POPDC1: variants seen among roughly 807,000 people sequenced by gnomAD.
POPDC1 encodes popeye domain-containing protein 1.
chr6:105,101,412 A>C, the POPDC1 span, among the ~76,000 whole-genome samples: 1 of 152,224 alleles, frequency 6.6e-6, no homozygotes, highest in African/African-American at 2.4e-5. Context: ...AGAGACTCTC[A>C]GTCAGGAGCA....
At chr6:105,127,291 A>G in the POPDC1 span, among the ~76,000 whole-genome samples, 1 of 152,230 alleles carries the variant, frequency 6.6e-6, no homozygotes, top group East Asian at 1.9e-4. Context: ...TGCTATGATC[A>G]TATCAGCAAC....
the POPDC1 span, among the ~76,000 whole-genome samples, chr6:105,119,184 CAAAAAA>C: frequency 9.0e-6 from 1 of 111,302 alleles, no homozygotes; most frequent in African/African-American, 3.7e-5. Flanking sequence ...GACTCCCTCT[CAAAAAA>C]AAAAAAAAAA....
At chr6:105,103,421 G>A in the POPDC1 span, among the ~76,000 whole-genome samples, 1 of 151,712 alleles carries the variant, frequency 6.6e-6, no homozygotes. Context: ...TCAAATGTGG[G>A]TTTGTGTTTC....
the POPDC1 span, chr6:105,099,792 C>G: frequency 6.6e-6 from 1 of 152,242 alleles, no homozygotes; most frequent in Non-Finnish European, 1.5e-5. Flanking sequence ...ATGTCTCTGC[C>G]TCTAGATGAA....
chr6:105,107,394 G>A, the POPDC1 span, among the ~76,000 whole-genome samples: 4 of 152,140 alleles, frequency 2.6e-5, no homozygotes, highest in South Asian at 8.3e-4. Flanking sequence ...AATTACAGGA[G>A]AGCCTGAAGG....
the POPDC1 span, among the ~76,000 whole-genome samples, chr6:105,128,318 A>G: frequency 6.6e-6 from 1 of 152,180 alleles, no homozygotes; most frequent in African/African-American, 2.4e-5. Context: ...GTCCCTTTTG[A>G]GCAAAAGTTT....
chr6:105,116,613 A>G, the POPDC1 span: 1 of 1,070,120 alleles, frequency 9.3e-7, no homozygotes, highest in Non-Finnish European at 1.3e-6. Context: ...ATGGCTAGTT[A>G]CTAAAAATTC....
chr6:105,134,100 A>T, the POPDC1 span, among the ~76,000 whole-genome samples: 38 of 152,130 alleles, frequency 2.5e-4, no homozygotes, highest in Non-Finnish European at 4.1e-4. Flanking sequence ...GGATATTTAG[A>T]AGGCTCTATT....
At chr6:105,107,807 CT>C in the POPDC1 span, among the ~76,000 whole-genome samples, 7 of 151,062 alleles carry the variant, frequency 4.6e-5, no homozygotes, top group Middle Eastern at 3.4e-3. Context: ...GATTTAATGG[CT>C]TTTTTTTTCC....
chr6:105,118,459 C>A, the POPDC1 span, among the ~76,000 whole-genome samples: 1 of 152,182 alleles, frequency 6.6e-6, no homozygotes, highest in African/African-American at 2.4e-5. Context: ...TGATGAAACA[C>A]TAAATTTCAT....
At chr6:105,101,911 A>C in the POPDC1 span, among the ~76,000 whole-genome samples, 2 of 152,254 alleles carry the variant, frequency 1.3e-5, no homozygotes, top group Non-Finnish European at 2.9e-5. Context: ...AATGGTTATC[A>C]AGCATCTACC....
chr6:105,133,605 A>T, the POPDC1 span: 3 of 1,533,874 alleles, frequency 2.0e-6, no homozygotes, highest in Non-Finnish European at 2.7e-6. Context: ...AAACAAGTAA[A>T]CAAAAGTAAA....
At chr6:105,126,588 T>C in the POPDC1 span, among the ~76,000 whole-genome samples, 1 of 152,204 alleles carries the variant, frequency 6.6e-6, no homozygotes. Flanking sequence ...CTTAGCACCT[T>C]CTATAAATAA....
chr6:105,131,249 T>C, the POPDC1 span, among the ~76,000 whole-genome samples: 1 of 152,164 alleles, frequency 6.6e-6, no homozygotes, highest in Admixed American at 6.5e-5. Context: ...AAAATTTAAA[T>C]ATTCTTTAAG....
chr6:105,112,247 C>T, the POPDC1 span, among the ~76,000 whole-genome samples: 2 of 152,146 alleles, frequency 1.3e-5, no homozygotes, highest in Admixed American at 1.3e-4. Context: ...GAAACACACA[C>T]ACAGAGACAG....
At chr6:105,107,075 C>CTTTA in the POPDC1 span, among the ~76,000 whole-genome samples, 2 of 152,062 alleles carry the variant, frequency 1.3e-5, no homozygotes, top group African/African-American at 4.8e-5. Context: ...TATCCATTAA[C>CTTTA]CATCTCCACT....
At chr6:105,125,340 A>G in the POPDC1 span, 2 of 1,585,034 alleles carry the variant, frequency 1.3e-6, no homozygotes, top group East Asian at 2.2e-5. Flanking sequence ...CCCAGAGGCC[A>G]TGAAAAGATT....
chr6:105,102,420 C>T, the POPDC1 span, among the ~76,000 whole-genome samples: 99 of 152,292 alleles, frequency 6.5e-4, no homozygotes, highest in African/African-American at 2.1e-3. Context: ...GCATGTCACA[C>T]GGCTGCTCCT....
chr6:105,118,226 G>A, the POPDC1 span, among the ~76,000 whole-genome samples: 15 of 152,268 alleles, frequency 9.9e-5, no homozygotes, highest in African/African-American at 3.6e-4. Flanking sequence ...AGAGGACAAG[G>A]GGATATGTAC....
Sources: gnomAD v4.1 joint callset for allele counts (sites outside exome capture counted in the v4.1 genomes callset) on GRCh38, gnomAD v4.1.1 for gene constraint, MANE v1.5 for transcripts, NCBI Gene and HGNC (gene_info 2026-07-23, HGNC 2026-07-21) for gene names.